Variants in PDSS2 observed in about 807,000 individuals in gnomAD.
The protein encoded by PDSS2 is decaprenyl diphosphate synthase subunit 2.
A neutral mutation model predicts 44.5 loss-of-function variants in PDSS2; 31 were observed. The ratio of observed to expected loss-of-function variants is 0.70; its 90% CI spans 0.52 to 0.94. The LOEUF (loss-of-function observed/expected upper bound fraction) is 0.94, where lower values mean the gene tolerates loss of function less well. Ranked by LOEUF, PDSS2 falls within the 40% of genes least tolerant of loss-of-function variation. The pLI is 0.00. For synonymous variants in PDSS2, 157 were observed against 180.3 expected, an observed-to-expected ratio of 0.87 and a Z score of 1.03; for missense variants, 452 against 482.2, an observed-to-expected ratio of 0.94 and a Z score of 0.59.
At chr6:107,169,862 G>A (rs2114364963) in intron 7 of PDSS2, among the ~76,000 whole-genome samples, 1 of 152,270 alleles carries the variant, frequency 6.6e-6, no homozygotes, top group Admixed American at 6.5e-5. Flanking sequence ...GGGGTACCCG[G>A]CCGTGTGAGG....
intron 1 of PDSS2, among the ~76,000 whole-genome samples, chr6:107,427,373 T>TC (rs2114732368): frequency 6.6e-6 from 1 of 152,346 alleles, no homozygotes; most frequent in African/African-American, 2.4e-5. Flanking sequence ...CATCTTTTTT[T>TC]CTTCCCAGTC....
intron 6 of PDSS2, among the ~76,000 whole-genome samples, chr6:107,209,777 T>C (rs1053803546): frequency 1.3e-4 from 20 of 152,012 alleles, no homozygotes; most frequent in Admixed American, 1.0e-3. Flanking sequence ...GGTTTCTCTG[T>C]CCAGAGCCTC....
At chr6:107,239,894 A>C (rs1455505869) in intron 4 of PDSS2, among the ~76,000 whole-genome samples, 4 of 151,960 alleles carry the variant, frequency 2.6e-5, no homozygotes, top group African/African-American at 4.8e-5. Flanking sequence ...TGCCCACCTC[A>C]GCCTCCCAAA....
Position 107,325,226 on chromosome 6 carries a change from C to T in PDSS2, c.431+8972G>A, listed in dbSNP as rs548971461. ...TCTGTAATTTGATTTTAAGATGTTT[C>T]TAGATTTAACTTATAGTTATGTTTA... On this transcript the variant is annotated intron_variant, in intron 2 of 7. Coordinates refer to ENST00000369037, the MANE Select transcript of PDSS2 (RefSeq NM_020381.4). Among the ~76,000 whole-genome samples, 26 of 152,228 alleles carry T rather than the reference C, an allele frequency of 1.7e-4. No homozygotes were observed. In the East Asian group the frequency reaches 5.0e-3, roughly 29 times the overall value.
chr6:107,260,355 A>T (rs2114876164), intron 3 of PDSS2, among the ~76,000 whole-genome samples: 1 of 152,316 alleles, frequency 6.6e-6, no homozygotes, highest in South Asian at 2.1e-4. Flanking sequence ...TTTGTTGCGT[A>T]TTTACAACTT....
intron 1 of PDSS2, among the ~76,000 whole-genome samples, chr6:107,354,491 T>C (rs1030307516): frequency 6.6e-6 from 1 of 152,246 alleles, no homozygotes; most frequent in African/African-American, 2.4e-5. Flanking sequence ...TCCACTGTTT[T>C]AACTGTGGTA....
chr6:107,457,160 C>A (rs1166052658), intron 1 of PDSS2, among the ~76,000 whole-genome samples: 1 of 151,960 alleles, frequency 6.6e-6, no homozygotes, highest in Admixed American at 6.6e-5. Context: ...ATGACAGGTG[C>A]CTCGAAAAAT....
intron 2 of PDSS2, among the ~76,000 whole-genome samples, chr6:107,313,137 A>G (rs1777094836): frequency 6.6e-6 from 1 of 152,246 alleles, no homozygotes; most frequent in African/African-American, 2.4e-5. Flanking sequence ...CTACTCCAGG[A>G]AATATAAACA....
At chr6:107,211,321 T>TGG (rs1408958547) in intron 5 of PDSS2, among the ~76,000 whole-genome samples, 1 of 151,918 alleles carries the variant, frequency 6.6e-6, no homozygotes, top group East Asian at 1.9e-4. Flanking sequence ...CAGCTAATCT[T>TGG]GGGATATTTT....
At chr6:107,354,616 A>C (rs905475858) in intron 1 of PDSS2, among the ~76,000 whole-genome samples, 3 of 152,192 alleles carry the variant, frequency 2.0e-5, no homozygotes, top group African/African-American at 7.2e-5. Context: ...AGCACATGTG[A>C]AGCAGCGACC....
intron 4 of PDSS2, among the ~76,000 whole-genome samples, chr6:107,233,157 G>C (rs1201780157): frequency 6.6e-6 from 1 of 152,064 alleles, no homozygotes; most frequent in Non-Finnish European, 1.5e-5. Context: ...ATCTTCTAAG[G>C]ACTCAGCTTT....
rs952954299 is a variant in PDSS2 at position 107,405,848 on chromosome 6, A to G, written c.296+53142T>C. Reference sequence around the variant, plus strand: ...GGCGACAGAGCGAGACTCCGTCTCAAAAAAAAAAAAAAAAAAAAGATACAG... The same window carrying G: ...GGCGACAGAGCGAGACTCCGTCTCAGAAAAAAAAAAAAAAAAAAGATACAG... On this transcript the variant is annotated intron_variant, in intron 1 of 7. Coordinates refer to ENST00000369037, the MANE Select transcript of PDSS2 (RefSeq NM_020381.4). Among the ~76,000 whole-genome samples, 8 of 138,556 alleles carry G rather than the reference A, an allele frequency of 5.8e-5. No individual in the cohort carries two copies. In the South Asian group the frequency reaches 1.7e-3, roughly 30 times the overall value. 90.9% of individuals were successfully genotyped at this position (138,556 alleles called of 152,430 possible).
chr6:107,210,856 T>TG lies in PDSS2; in HGVS notation c.877-287dup, dbSNP rs34209518. Among the ~76,000 whole-genome samples, 71,656 of 150,620 alleles carry TG rather than the reference T, an allele frequency of 0.48. 17,948 individuals carry two copies. Among genetic ancestry groups the TG allele is most frequent in the East Asian group, 0.74 (3,779 of 5,078 alleles). On this transcript the variant is annotated intron_variant, in intron 5 of 7. Transcript: ENST00000369037. ...CCATCTCTACTAAAAAAACAAAAAT[T>TG]GGGGGGGGTTTGCACACACATTCCA... is the stretch of plus-strand genomic sequence containing the variant.
At chr6:107,260,899 T>C (rs981691543) in intron 3 of PDSS2, among the ~76,000 whole-genome samples, 3 of 152,090 alleles carry the variant, frequency 2.0e-5, no homozygotes, top group Non-Finnish European at 4.4e-5. Context: ...CCTGACCTTG[T>C]GATCTGCCCA....
intron 3 of PDSS2, among the ~76,000 whole-genome samples, chr6:107,253,284 G>A (rs1024481315): frequency 1.8e-4 from 28 of 152,072 alleles, no homozygotes; most frequent in Admixed American, 3.3e-4. Context: ...TGATCCGCCC[G>A]CCTCGGCCTC....
intron 1 of PDSS2, among the ~76,000 whole-genome samples, chr6:107,457,643 C>A (rs915154716): frequency 6.6e-6 from 1 of 152,078 alleles, no homozygotes; most frequent in South Asian, 2.1e-4. Flanking sequence ...AGTTGAGAAC[C>A]AGTGCTCTAG....
chr6:107,283,935 A>T lies in PDSS2; in HGVS notation c.432-9708T>A, dbSNP rs1176955871. On this transcript the variant is annotated intron_variant, in intron 2 of 7. Coordinates refer to ENST00000369037, the MANE Select transcript of PDSS2 (RefSeq NM_020381.4). ...CTCTGATCTCAGTTACTGAGGCAGG[A>T]GAATAGCTTCAATCCAGGAGGTGGA... is the stretch of plus-strand genomic sequence containing the variant. 3.3e-5 allele frequency among the ~76,000 whole-genome samples: 5 copies of T among 151,806 alleles called. No homozygotes were observed. The East Asian group carries it at 9.6e-4, about 29-fold the overall frequency.
At chr6:107,237,530 A>G (rs1332610928) in intron 4 of PDSS2, among the ~76,000 whole-genome samples, 2 of 151,994 alleles carry the variant, frequency 1.3e-5, no homozygotes, top group East Asian at 1.9e-4. Flanking sequence ...GGCATGAGTC[A>G]CCGTACCTGG....
intron 1 of PDSS2, among the ~76,000 whole-genome samples, chr6:107,353,339 AG>A (rs899468546): frequency 6.6e-6 from 1 of 152,200 alleles, no homozygotes; most frequent in African/African-American, 2.4e-5. Flanking sequence ...TTTCTTCCCT[AG>A]GCAACACTCC....
Sources: allele counts gnomAD v4.1 joint callset (sites outside exome capture counted in the v4.1 genomes callset), GRCh38; gene constraint gnomAD v4.1.1; transcripts MANE v1.5; gene names NCBI Gene and HGNC (gene_info 2026-07-23, HGNC 2026-07-21).